SGK3: variants seen among roughly 807,000 people sequenced by gnomAD.
The protein encoded by SGK3 is serine/threonine-protein kinase Sgk3.
In SGK3, 47 loss-of-function variants were observed where a neutral mutation model predicts 68.5. The ratio of observed to expected loss-of-function variants is 0.69; its 90% confidence interval spans 0.54 to 0.87. The LOEUF (loss-of-function observed/expected upper bound fraction) is 0.87, where lower values mean the gene tolerates loss of function less well. Among genes scored for constraint, SGK3 ranks in the 40% least tolerant of loss-of-function variants. The pLI is 0.00. For missense variants in SGK3, 479 were observed against 575.5 expected (o/e 0.83, Z 1.72); for synonymous variants, 181 against 189.1 (o/e 0.96, Z 0.35).
At chr8:66,820,625 G>A (rs1808772115) in intron 5 of SGK3, among the ~76,000 whole-genome samples, 1 of 152,178 alleles carries the variant, frequency 6.6e-6, no homozygotes, top group Non-Finnish European at 1.5e-5. Flanking sequence ...TCAAGGAACT[G>A]CCAAACTGTT....
chr8:66,752,952 C>T (rs971096716), intron 1 of SGK3, among the ~76,000 whole-genome samples: 14 of 152,208 alleles, frequency 9.2e-5, no homozygotes, highest in African/African-American at 3.1e-4. Context: ...GGGCTCAAGC[C>T]TCAGCCTCCC....
intron 16 of SGK3, among the ~76,000 whole-genome samples, chr8:66,852,396 C>G (rs1160891583): frequency 6.6e-6 from 1 of 151,130 alleles, no homozygotes; most frequent in African/African-American, 2.4e-5. Context: ...ATTCTCCTAC[C>G]TCAGCCTCCC....
chr8:66,839,822 G>C, intron 10 of SGK3, 181 bp from the exon 11 acceptor site: 1 of 552,306 alleles, frequency 1.8e-6, no homozygotes, highest in Non-Finnish European at 3.1e-6. Flanking sequence ...GAGAATGATT[G>C]TTAGGTGGGG....
At chr8:66,835,141 A>G (rs957140090) in intron 8 of SGK3, among the ~76,000 whole-genome samples, 1 of 150,508 alleles carries the variant, frequency 6.6e-6, no homozygotes, top group Non-Finnish European at 1.5e-5. Context: ...ATGGTGGCAC[A>G]CGCCTGTAGT....
intron 1 of SGK3, among the ~76,000 whole-genome samples, chr8:66,744,442 T>C (rs1354696571): frequency 6.9e-6 from 1 of 145,600 alleles, no homozygotes; most frequent in Admixed American, 7.0e-5. Context: ...TTCTGTTATT[T>C]GGTGAAATTA....
At chr8:66,857,063 A>G (rs906572439) in intron 16 of SGK3, among the ~76,000 whole-genome samples, 3 of 152,136 alleles carry the variant, frequency 2.0e-5, no homozygotes, top group Non-Finnish European at 4.4e-5. Flanking sequence ...ACTGCACTCT[A>G]GCCTGGGCAA....
intron 2 of SGK3, 25 bp from the exon 3 acceptor site, chr8:66,798,517 A>G (rs768155773): frequency 1.6e-5 from 25 of 1,587,068 alleles, no homozygotes; most frequent in Admixed American, 1.2e-4. Flanking sequence ...ATTGTGTTAT[A>G]TTATGTAATT....
At chr8:66,747,073 G>C (rs973037795) in intron 1 of SGK3, among the ~76,000 whole-genome samples, 6 of 151,464 alleles carry the variant, frequency 4.0e-5, no homozygotes, top group African/African-American at 1.2e-4. Context: ...AAAAAAAAAG[G>C]GTTTTTTTTC....
At chr8:66,805,155 C>T (rs1399062493) in intron 4 of SGK3, among the ~76,000 whole-genome samples, 1 of 152,080 alleles carries the variant, frequency 6.6e-6, no homozygotes, top group African/African-American at 2.4e-5. Flanking sequence ...AGAATATTCA[C>T]TTTTGTATTC....
intron 1 of SGK3, among the ~76,000 whole-genome samples, chr8:66,751,636 A>C (rs988460505): frequency 2.0e-5 from 3 of 152,138 alleles, no homozygotes; most frequent in Non-Finnish European, 4.4e-5. Flanking sequence ...GATTTCTTGA[A>C]TCTATCTACA....
chr8:66,802,621 A>C (rs562928058), intron 3 of SGK3, among the ~76,000 whole-genome samples: 11 of 150,270 alleles, frequency 7.3e-5, no homozygotes, highest in Non-Finnish European at 1.3e-4. Flanking sequence ...CCAGGAGGTC[A>C]GCACTGCATT....
chr8:66,819,399 A>C (rs1808719844), intron 5 of SGK3, among the ~76,000 whole-genome samples: 1 of 152,198 alleles, frequency 6.6e-6, no homozygotes, highest in South Asian at 2.1e-4. Flanking sequence ...AAAGTTGTAG[A>C]GTTCTAATAC....
chr8:66,746,428 G>A (rs1209844696), intron 1 of SGK3, among the ~76,000 whole-genome samples: 1 of 152,144 alleles, frequency 6.6e-6, no homozygotes, highest in African/African-American at 2.4e-5. Flanking sequence ...AAAATGGAGA[G>A]AGCTGGGCAT....
intron 8 of SGK3, among the ~76,000 whole-genome samples, chr8:66,835,278 A>C (rs949828843): frequency 6.6e-6 from 1 of 152,340 alleles, no homozygotes; most frequent in Non-Finnish European, 1.5e-5. Context: ...AAGCGTCTGC[A>C]TGGGACCCAG....
chr8:66,771,477 G>A (rs1270294894), intron 1 of SGK3, among the ~76,000 whole-genome samples: 2 of 152,168 alleles, frequency 1.3e-5, no homozygotes, highest in African/African-American at 4.8e-5. Flanking sequence ...GGTTAAGGTT[G>A]CAGTTAAGGA....
chr8:66,804,025 G>A (rs1438898371), intron 3 of SGK3, among the ~76,000 whole-genome samples: 2 of 152,102 alleles, frequency 1.3e-5, no homozygotes, highest in African/African-American at 4.8e-5. Context: ...AACTGTAACA[G>A]CACGTTCTAG....
At chr8:66,761,597 C>T (rs1171257652) in intron 1 of SGK3, among the ~76,000 whole-genome samples, 1 of 152,092 alleles carries the variant, frequency 6.6e-6, no homozygotes, top group Non-Finnish European at 1.5e-5. Context: ...GGCAAAACCC[C>T]GTCTCTACTA....
intron 1 of SGK3, among the ~76,000 whole-genome samples, chr8:66,728,858 G>C (rs1805054568): frequency 6.6e-6 from 1 of 151,720 alleles, no homozygotes; most frequent in Non-Finnish European, 1.5e-5. Context: ...AGTTCACCCA[G>C]TGAACTATGA....
chr8:66,725,390 AAGAGTGTCTC>A (rs1431298167), intron 1 of SGK3, among the ~76,000 whole-genome samples: 3 of 151,336 alleles, frequency 2.0e-5, no homozygotes, highest in African/African-American at 7.3e-5. Context: ...GTGACAGAGT[AAGAGTGTCTC>A]AGAAAAAAAA....
Sources: gnomAD v4.1 joint callset for allele counts (sites outside exome capture counted in the v4.1 genomes callset) on GRCh38, gnomAD v4.1.1 for gene constraint, MANE v1.5 for transcripts, NCBI Gene and HGNC (gene_info 2026-07-23, HGNC 2026-07-21) for gene names.